Variants in FAM171A1 observed in about 807,000 individuals in gnomAD.
The protein encoded by FAM171A1 is protein FAM171A1.
Under a neutral mutation model 74.9 loss-of-function variants are expected in FAM171A1, and 23 were observed. That is an observed-to-expected ratio of 0.31 (90% confidence interval 0.22 to 0.44). The LOEUF (loss-of-function observed/expected upper bound fraction) is 0.44, where lower values mean the gene tolerates loss of function less well. Ranked by LOEUF, FAM171A1 falls within the 20% of genes least tolerant of loss-of-function variation. The probability of loss-of-function intolerance (pLI) is 1.00; values close to 1 mark genes in which losing one functional copy is unlikely to be tolerated. For synonymous variants in FAM171A1, 527 were observed against 505.7 expected (o/e 1.04, Z -0.57); for missense variants, 1,162 against 1,159.2 (o/e 1.00, Z -0.03).
chr10:15,263,741 GTCTATCTATCTATCTA>G (rs55705228), intron 3 of FAM171A1, among the ~76,000 whole-genome samples: 188 of 140,652 alleles, frequency 1.3e-3, no homozygotes, highest in African/African-American at 4.3e-3. Flanking sequence ...CTATCTGTCT[GTCTATCTATCTATCTA>G]TCTATCTATC....
At chr10:15,232,709 T>C (rs74401662) in intron 5 of FAM171A1, among the ~76,000 whole-genome samples, 5,045 of 152,346 alleles carry the variant, frequency 0.033, 124 homozygotes, top group Middle Eastern at 0.054. Context: ...CAGCCCATCA[T>C]TCTATTCAGC....
At chr10:15,350,093 T>A (rs1835860568) in intron 1 of FAM171A1, among the ~76,000 whole-genome samples, 1 of 152,080 alleles carries the variant, frequency 6.6e-6, no homozygotes, top group Admixed American at 6.5e-5. Context: ...CCCCTACACG[T>A]GATGCCCCCG....
At chr10:15,354,351 C>G (rs1413104369) in intron 1 of FAM171A1, among the ~76,000 whole-genome samples, 1 of 152,108 alleles carries the variant, frequency 6.6e-6, no homozygotes, top group Admixed American at 6.6e-5. Flanking sequence ...TAAAAATTAG[C>G]CAAGTGTTGT....
chr10:15,301,366 T>A (rs866582156), intron 1 of FAM171A1, among the ~76,000 whole-genome samples: 1,751 of 132,902 alleles, frequency 0.013, 16 homozygotes, highest in East Asian at 0.03. Context: ...ATATATATTT[T>A]TTTTTTTTGT....
chr10:15,222,683 G>T (rs970810240), intron 5 of FAM171A1, among the ~76,000 whole-genome samples: 2 of 152,218 alleles, frequency 1.3e-5, no homozygotes, highest in Non-Finnish European at 2.9e-5. Flanking sequence ...CACTTGGGTT[G>T]CTTCGAGGCC....
chr10:15,360,834 A>G (rs1180499577), intron 1 of FAM171A1, among the ~76,000 whole-genome samples: 1 of 152,198 alleles, frequency 6.6e-6, no homozygotes, highest in Admixed American at 6.5e-5. Context: ...AAGGCAGCCC[A>G]ACATCACCCT....
intron 1 of FAM171A1, among the ~76,000 whole-genome samples, chr10:15,295,844 ACC>A (rs1835155341): frequency 6.6e-6 from 1 of 152,222 alleles, no homozygotes; most frequent in East Asian, 1.9e-4. Context: ...TCTCCTTAGC[ACC>A]ATGATTAGCT....
intron 1 of FAM171A1, among the ~76,000 whole-genome samples, chr10:15,352,939 A>G (rs1288649960): frequency 2.0e-5 from 3 of 152,138 alleles, no homozygotes; most frequent in Non-Finnish European, 2.9e-5. Flanking sequence ...GAGGGAGGAG[A>G]CACTTAATTT....
intron 1 of FAM171A1, among the ~76,000 whole-genome samples, chr10:15,337,957 A>T (rs911801757): frequency 6.6e-6 from 1 of 151,704 alleles, no homozygotes; most frequent in African/African-American, 2.4e-5. Context: ...TCTTAAAAAA[A>T]ACAAAAAAAA....
intron 7 of FAM171A1, among the ~76,000 whole-genome samples, chr10:15,214,948 T>C (rs1278096545): frequency 1.3e-5 from 2 of 151,830 alleles, no homozygotes; most frequent in African/African-American, 4.8e-5. Context: ...TTAGTTTTTT[T>C]GTAGAGATGG....
intron 1 of FAM171A1, among the ~76,000 whole-genome samples, chr10:15,356,177 C>T (rs763909466): frequency 6.6e-6 from 1 of 151,090 alleles, no homozygotes; most frequent in African/African-American, 2.4e-5. Flanking sequence ...AATGAATGTG[C>T]TATATTTTAA....
intron 1 of FAM171A1, among the ~76,000 whole-genome samples, chr10:15,341,613 C>G (rs542039486): frequency 6.6e-6 from 1 of 152,170 alleles, no homozygotes; most frequent in South Asian, 2.1e-4. Context: ...AATCTGCCTT[C>G]AAAGCAACAG....
At chr10:15,328,280 G>C (rs1835582306) in intron 1 of FAM171A1, among the ~76,000 whole-genome samples, 4 of 152,086 alleles carry the variant, frequency 2.6e-5, no homozygotes. Context: ...CAGTAGCTGG[G>C]ATCACAGGCG....
chr10:15,342,469 G>C (rs1451382805), intron 1 of FAM171A1, among the ~76,000 whole-genome samples: 1 of 152,172 alleles, frequency 6.6e-6, no homozygotes, highest in Non-Finnish European at 1.5e-5. Flanking sequence ...TTGGGAGGCT[G>C]AGGAGGAAGG....
rs185645283 is a variant in FAM171A1, at chr10:15,302,380, G to A, written c.98-18275C>T. ...CTTGGGATGCTGAGGCAGCAGAATT[G>A]CTTGAACACAGGAGGCGGAGGTCGC... On this transcript the variant is annotated intron_variant, in intron 1 of 7. Coordinates refer to ENST00000378116, the MANE Select transcript of FAM171A1 (RefSeq NM_001010924.2). Among the ~76,000 whole-genome samples, 16 of 152,140 alleles carry A rather than the reference G, an allele frequency of 1.1e-4. No individual in the cohort carries two copies. The East Asian group carries it at 1.9e-3, about 18-fold the overall frequency.
At chr10:15,282,389 A>T (rs140566557) in intron 2 of FAM171A1, among the ~76,000 whole-genome samples, 5 of 152,370 alleles carry the variant, frequency 3.3e-5, no homozygotes, top group Non-Finnish European at 7.3e-5. Context: ...ATGAATCAAC[A>T]ATCTATATAT....
intron 6 of FAM171A1, among the ~76,000 whole-genome samples, chr10:15,216,980 C>T (rs911421228): frequency 3.3e-5 from 5 of 152,056 alleles, no homozygotes; most frequent in African/African-American, 1.2e-4. Flanking sequence ...CAACTTTTAA[C>T]ACTTAATACA....
At chr10:15,235,598 C>T (rs775029399) in intron 5 of FAM171A1, among the ~76,000 whole-genome samples, 12 of 151,330 alleles carry the variant, frequency 7.9e-5, no homozygotes, top group Non-Finnish European at 1.6e-4. Flanking sequence ...TTGTATATTA[C>T]ATTTACCATG....
intron 2 of FAM171A1, among the ~76,000 whole-genome samples, chr10:15,282,550 G>A (rs1282210204): frequency 6.6e-6 from 1 of 152,134 alleles, no homozygotes; most frequent in African/African-American, 2.4e-5. Context: ...CCATGTTTGA[G>A]GTGGCTATGG....
Sources: allele counts gnomAD v4.1 joint callset (sites outside exome capture counted in the v4.1 genomes callset), GRCh38; gene constraint gnomAD v4.1.1; transcripts MANE v1.5; gene names NCBI Gene and HGNC (gene_info 2026-07-23, HGNC 2026-07-21).